SIK3: variants seen among roughly 807,000 people sequenced by gnomAD.
SIK3 encodes the protein serine/threonine-protein kinase SIK3.
SIK3 carries 28 observed loss-of-function variants against 144.2 expected under a neutral mutation model. The ratio of observed to expected loss-of-function variants is 0.19; its 90% confidence interval spans 0.14 to 0.27. SIK3 has a LOEUF of 0.27. SIK3 is among the 10% of genes least tolerant of loss of function. SIK3 has a pLI of 1.00. For missense variants in SIK3, 1,319 were observed against 1,776.0 expected, an observed-to-expected ratio of 0.74 and a Z score of 4.62; for synonymous variants, 686 against 676.3, an observed-to-expected ratio of 1.01 and a Z score of -0.22.
At chr11:116,925,779 C>G (rs993254124) in intron 4 of SIK3, among the ~76,000 whole-genome samples, 1 of 152,124 alleles carries the variant, frequency 6.6e-6, no homozygotes, top group African/African-American at 2.4e-5. Context: ...TGGGAACTAC[C>G]AGTATCTATA....
chr11:117,020,366 C>A (rs572812842), intron 1 of SIK3, among the ~76,000 whole-genome samples: 19 of 151,784 alleles, frequency 1.3e-4, no homozygotes, highest in Admixed American at 2.0e-4. Context: ...CTGAACAGCT[C>A]CAGAGTGATA....
At chr11:117,044,419 C>T (rs1952868464) in intron 1 of SIK3, among the ~76,000 whole-genome samples, 2 of 152,030 alleles carry the variant, frequency 1.3e-5, no homozygotes, top group African/African-American at 4.8e-5. Flanking sequence ...GTCCCAGTGA[C>T]TAAATTTTAA....
At chr11:116,886,155 C>T (rs1184744524) in intron 6 of SIK3, among the ~76,000 whole-genome samples, 1 of 152,214 alleles carries the variant, frequency 6.6e-6, no homozygotes, top group Non-Finnish European at 1.5e-5. Context: ...GGAATGAACA[C>T]GGCTGGCCTG....
At chr11:117,017,433 A>G (rs1951584694) in intron 1 of SIK3, among the ~76,000 whole-genome samples, 1 of 151,818 alleles carries the variant, frequency 6.6e-6, no homozygotes, top group Admixed American at 6.6e-5. Flanking sequence ...ATTTTATTAT[A>G]CACTTTTCAG....
chr11:116,875,099 A>G, intron 11 of SIK3, 59 bp downstream of exon 11: 1 of 1,370,698 alleles, frequency 7.3e-7, no homozygotes, highest in South Asian at 1.2e-5. Flanking sequence ...GTAGACACTG[A>G]AAGTCAGGTG....
In SIK3 at chr11:116,854,353, C is replaced by A. The variant is rs1009167508; in HGVS notation, c.3655+3457G>T. On this transcript the variant is annotated intron_variant, in intron 21 of 24. Coordinates refer to ENST00000445177, the MANE Select transcript of SIK3 (RefSeq NM_001366686.3). Reference sequence around the variant, plus strand: ...CTCTAGCCTAGGTGACAGAGCAAGACCCTGACTCAAAAAGTAACTAAATAA... The same window carrying A: ...CTCTAGCCTAGGTGACAGAGCAAGAACCTGACTCAAAAAGTAACTAAATAA... Among the ~76,000 whole-genome samples, 26 of 152,298 alleles carry A rather than the reference C, an allele frequency of 1.7e-4. 1 individual carries two copies. The highest frequency in any genetic ancestry group is 1.2e-3 in the Admixed American group (19 of 15,296).
intron 3 of SIK3, among the ~76,000 whole-genome samples, chr11:116,943,175 T>C (rs903195209): frequency 7.8e-6 from 1 of 127,590 alleles, no homozygotes. Flanking sequence ...AAGACAAACT[T>C]AGAAATGAAA....
chr11:116,954,026 T>C lies in SIK3; in HGVS notation c.454+18A>G. 1.6e-5 allele frequency: 26 copies of C among 1,608,032 alleles called. No individual in the cohort carries two copies. Among genetic ancestry groups the C allele is most frequent in the Non-Finnish European group, 2.2e-5 (26 of 1,174,908 alleles). On this transcript the variant is annotated intron_variant, in intron 3 of 24. Transcript: ENST00000445177. ...GTGTGCTCAATAGCTGTTTAAAGAATGCAATAAATGTACTTACCAAATATT... is the reference window on the plus strand; with the variant it reads ...GTGTGCTCAATAGCTGTTTAAAGAACGCAATAAATGTACTTACCAAATATT...
chr11:117,069,775 A>G (rs1454975975), intron 1 of SIK3, among the ~76,000 whole-genome samples: 1 of 152,172 alleles, frequency 6.6e-6, no homozygotes, highest in East Asian at 1.9e-4. Flanking sequence ...ACATTCAGAA[A>G]AACATTTAAG....
chr11:116,861,903 T>C lies in SIK3; in HGVS notation c.2253A>G (p.Pro751=). The C allele has an allele frequency of 6.2e-7, 1 of 1,611,454 alleles. No individual in the cohort carries two copies. The highest frequency in any genetic ancestry group is 8.5e-7 in the Non-Finnish European group (1 of 1,179,044). Residue 751 remains proline (P), a synonymous_variant, in exon 18 of 25, where the codon CCA becomes CCG. Coordinates refer to ENST00000445177, the MANE Select transcript of SIK3 (RefSeq NM_001366686.3). ...CACATGCAGCCTGAAGAGGTGGAGA[T>C]GGCTGAGGAGGACAGATAGAGTCCT... is the stretch of plus-strand genomic sequence containing the variant. The part of the protein sequence containing the change: ...QIQDSICPPQ[P]SPPLQAACEN...
At chr11:116,970,295 G>C (rs1949721862) in intron 1 of SIK3, among the ~76,000 whole-genome samples, 1 of 152,058 alleles carries the variant, frequency 6.6e-6, no homozygotes, top group African/African-American at 2.4e-5. Context: ...GAAAGAAAGA[G>C]AGTTATCAAG....
At chr11:117,070,182 A>G (rs1022599280) in intron 1 of SIK3, among the ~76,000 whole-genome samples, 1 of 152,226 alleles carries the variant, frequency 6.6e-6, no homozygotes, top group Non-Finnish European at 1.5e-5. Context: ...TCACTAGAAA[A>G]CAATATAAAT....
At chr11:116,954,399 A>G (rs1471108740) in intron 2 of SIK3, among the ~76,000 whole-genome samples, 2 of 152,132 alleles carry the variant, frequency 1.3e-5, no homozygotes, top group African/African-American at 4.8e-5. Context: ...CTGAGAGGCA[A>G]AGAAGTTGTC....
chr11:117,085,955 A>G (rs188243285), intron 1 of SIK3, among the ~76,000 whole-genome samples: 9 of 152,366 alleles, frequency 5.9e-5, no homozygotes, highest in East Asian at 1.9e-4. Flanking sequence ...CTCCGTCTAC[A>G]TAAAAAAGAA....
At chr11:116,930,296 C>T (rs1162823474) in intron 3 of SIK3, among the ~76,000 whole-genome samples, 1 of 152,082 alleles carries the variant, frequency 6.6e-6, no homozygotes, top group African/African-American at 2.4e-5. Context: ...TGTAAACCTA[C>T]GAGGTCTAGT....
At chr11:116,984,360 C>T (rs1295967969) in intron 1 of SIK3, among the ~76,000 whole-genome samples, 1 of 152,104 alleles carries the variant, frequency 6.6e-6, no homozygotes, top group African/African-American at 2.4e-5. Context: ...TTTAGCTCAG[C>T]CTACTAAACG....
At chr11:116,907,893 A>G (rs1244544055) in intron 4 of SIK3, among the ~76,000 whole-genome samples, 1 of 152,052 alleles carries the variant, frequency 6.6e-6, no homozygotes, top group Non-Finnish European at 1.5e-5. Context: ...ATGGAAAAAA[A>G]TTACAGAGGC....
At chr11:116,890,023 T>A (rs1428575469) in intron 6 of SIK3, among the ~76,000 whole-genome samples, 1 of 152,248 alleles carries the variant, frequency 6.6e-6, no homozygotes, top group Non-Finnish European at 1.5e-5. Context: ...TTGGAGTCAG[T>A]GTTCGAACAA....
intron 2 of SIK3, among the ~76,000 whole-genome samples, chr11:116,956,414 A>G (rs576403953): frequency 3.5e-4 from 54 of 152,252 alleles, no homozygotes; most frequent in African/African-American, 8.4e-4. Context: ...GATTATCAAA[A>G]TAATTACTAC....
Sources: gnomAD v4.1 joint callset for allele counts (sites outside exome capture counted in the v4.1 genomes callset) on GRCh38, gnomAD v4.1.1 for gene constraint, MANE v1.5 for transcripts, NCBI Gene and HGNC (gene_info 2026-07-23, HGNC 2026-07-21) for gene names.